The following GPR180 variants were observed in gnomAD, a reference collection of about 807,000 sequenced individuals.
GPR180 encodes integral membrane protein GPR180.
A neutral mutation model predicts 52.6 loss-of-function variants in GPR180; 53 were observed. That is an observed-to-expected ratio of 1.01 (90% CI 0.81 to 1.27). GPR180 has a LOEUF of 1.27. GPR180 is among the 50% of genes most tolerant of loss of function. GPR180 has a pLI of 0.00. For synonymous variants in GPR180, 200 were observed against 193.1 expected (o/e 1.04, Z -0.30); for missense variants, 533 against 527.0 (o/e 1.01, Z -0.11).
rs542122230 is a variant in GPR180, at chr13:94,634,301, A to G, written c.*7130A>G. 3.9e-5 allele frequency: 6 copies of G among 152,274 alleles called. No individual in the cohort carries two copies. In the South Asian group the frequency reaches 1.2e-3, roughly 32 times the overall value. 9.4% of individuals were successfully genotyped at this position (152,274 alleles called of 1,614,324 possible). ...CATGACATTGACTCCTCAGCCAAGC[A>G]TATTATCAACTGTCGGAAACTAGGT... On this transcript the variant is annotated 3_prime_UTR_variant, in exon 9 of 9. Coordinates refer to ENST00000376958, the MANE Select transcript of GPR180 (RefSeq NM_180989.6).
intron 2 of GPR180, among the ~76,000 whole-genome samples, chr13:94,606,437 A>G (rs1170556688): frequency 6.6e-6 from 1 of 152,222 alleles, no homozygotes; most frequent in African/African-American, 2.4e-5. Flanking sequence ...TGTCCTGTGC[A>G]TTAGGTTGCT....
rs2138566970 is a variant in GPR180, at chr13:94,621,108, T to C, written c.767T>C (p.Leu256Ser). Reference protein sequence around the residue: ...FFDIASQIQMLYLLLSLCMGW... With the variant: ...FFDIASQIQMSYLLLSLCMGW... ...GACATCGCTTCCCAAATTCAGATGT[T>C]ATACTTACTTTTGAGTCTATGCATG... The change falls in exon 6 of 9, where the codon TTA becomes TCA. Residue 256 changes from leucine to serine, a missense_variant. Transcript: ENST00000376958. The C allele has an allele frequency of 6.2e-7, 1 of 1,610,166 alleles. No individual in the cohort carries two copies. The highest frequency in any genetic ancestry group is 1.7e-4 in the Middle Eastern group (1 of 6,034).
rs1889874406 is a variant in GPR180, at chr13:94,623,167, A to G, written c.953A>G (p.His318Arg). The G allele has an allele frequency of 6.2e-7, 1 of 1,614,054 alleles. No homozygotes were observed. The highest frequency in any genetic ancestry group is 1.3e-5 in the African/African-American group (1 of 75,028). ...EDISHHSYHSHHNLAGILLIV... is the reference protein window; with the variant it reads ...EDISHHSYHSRHNLAGILLIV... ...ATCAGTCATCATAGCTACCATTCAC[A>G]CCACAACTTAGCAGGGATCCTCCTA... Residue 318 changes from histidine to arginine, a missense_variant, in exon 7 of 9, where the codon CAC becomes CGC. Transcript: ENST00000376958.
chr13:94,605,956 C>T (rs767112288), intron 2 of GPR180, among the ~76,000 whole-genome samples: 1 of 152,178 alleles, frequency 6.6e-6, no homozygotes, highest in Non-Finnish European at 1.5e-5. Flanking sequence ...TGTTTCACAA[C>T]ATGTCATTTG....
chr13:94,618,420 A>ATTTTTTTTTGT (rs1889806407), intron 3 of GPR180, among the ~76,000 whole-genome samples: 1 of 87,156 alleles, frequency 1.1e-5, no homozygotes, highest in African/African-American at 6.3e-5. Context: ...TCAGCACAGG[A>ATTTTTTTTTGT]TTTTTTTTTT....
chr13:94,619,217 A>G lies in GPR180; in HGVS notation c.573A>G (p.Ser191=), dbSNP rs1889820302. Residue 191 remains serine (S), a synonymous_variant, in exon 4 of 9, where the codon TCA becomes TCG. Transcript: ENST00000376958. Reference sequence around the variant, plus strand: ...TGATTGCTTGCATTTATGCTCAATCATTGTGGCAGGCTATTAAGAAAGGCG... The same window carrying G: ...TGATTGCTTGCATTTATGCTCAATCGTTGTGGCAGGCTATTAAGAAAGGCG... ...YFVIACIYAQ[S]LWQAIKKGGP... is the part of the protein sequence containing the mutation. 1.2e-6 allele frequency: 2 copies of G among 1,614,112 alleles called. No homozygotes were observed. The highest frequency in any genetic ancestry group is 1.7e-5 in the Admixed American group (1 of 60,018).
chr13:94,612,061 C>T, intron 2 of GPR180, 129 bp from the exon 3 acceptor site: 1 of 674,656 alleles, frequency 1.5e-6, no homozygotes, highest in Non-Finnish European at 2.6e-6. Flanking sequence ...CCAAATACTA[C>T]ACAAGGTCTT....
At chr13:94,606,982 G>A (rs780366897) in intron 2 of GPR180, among the ~76,000 whole-genome samples, 1 of 152,246 alleles carries the variant, frequency 6.6e-6, no homozygotes, top group South Asian at 2.1e-4. Context: ...TGTGTAAAAG[G>A]TCATGTCCTT....
Position 94,623,416 on chromosome 13 carries a change from T to G in GPR180, c.1086+116T>G, listed in dbSNP as rs1030263170. ...TATTAAACTTCTGGGTTGGGCACAG[T>G]GGCTCACTCCTATAATCCCAGTGCT... On this transcript the variant is annotated intron_variant, in intron 7 of 8. Transcript: ENST00000376958. 1.3e-5 allele frequency: 10 copies of G among 764,676 alleles called. No individual in the cohort carries two copies. In the African/African-American group the frequency reaches 1.8e-4, roughly 13 times the overall value. The allele number at this position is 764,676 out of a possible 1,614,324, so 47.4% of individuals were successfully genotyped here. A position where few individuals can be genotyped will look rare whatever the true frequency, so the allele number is the denominator to read the frequency against.
rs1202246052 is a variant in GPR180, at chr13:94,634,394, A to C, written c.*7223A>C. 1 of 152,026 alleles carries C rather than the reference A, an allele frequency of 6.6e-6. No individual in the cohort carries two copies. Among genetic ancestry groups the C allele is most frequent in the African/African-American group, 2.4e-5 (1 of 41,442 alleles). 9.4% of individuals were successfully genotyped at this position (152,026 alleles called of 1,614,324 possible). On this transcript the variant is annotated 3_prime_UTR_variant, in exon 9 of 9. Coordinates refer to ENST00000376958, the MANE Select transcript of GPR180 (RefSeq NM_180989.6). ...GATTTTTTAAAACTTGTATACATAT[A>C]TAGTACATATTATATATACTTATAT... is the stretch of plus-strand genomic sequence containing the variant.
intron 1 of GPR180, among the ~76,000 whole-genome samples, chr13:94,603,382 A>G (rs1183279049): frequency 6.6e-6 from 1 of 152,210 alleles, no homozygotes; most frequent in Non-Finnish European, 1.5e-5. Flanking sequence ...ATAGTTCCTG[A>G]TGATCATCTG....
chr13:94,602,198 C>T, intron 1 of GPR180, 126 bp downstream of exon 1: 1 of 882,096 alleles, frequency 1.1e-6, no homozygotes, highest in Non-Finnish European at 1.5e-6. Context: ...CCAGCCTCAC[C>T]TGGACCTCCA....
chr13:94,619,350 A>G lies in GPR180; in HGVS notation c.686+20A>G. 6.2e-7 allele frequency: 1 copy of G among 1,612,062 alleles called. No homozygotes were observed. The highest frequency in any genetic ancestry group is 8.5e-7 in the Non-Finnish European group (1 of 1,178,630). On this transcript the variant is annotated intron_variant, in intron 4 of 8. Transcript: ENST00000376958. Reference sequence around the variant, plus strand: ...CTCCAGGTAACTCAAAACCACTAAAACTGTGTTCATCATTACATCTAATTA... The same window carrying G: ...CTCCAGGTAACTCAAAACCACTAAAGCTGTGTTCATCATTACATCTAATTA...
At chr13:94,608,568 A>G (rs1889662896) in intron 2 of GPR180, among the ~76,000 whole-genome samples, 1 of 152,206 alleles carries the variant, frequency 6.6e-6, no homozygotes, top group South Asian at 2.1e-4. Context: ...CAATAACAAA[A>G]TCCAAATCTT....
chr13:94,610,868 G>C (rs1222347131), intron 2 of GPR180, among the ~76,000 whole-genome samples: 1 of 152,150 alleles, frequency 6.6e-6, no homozygotes, highest in Admixed American at 6.5e-5. Flanking sequence ...CACATTTTCA[G>C]ATGCCCTGGA....
intron 2 of GPR180, among the ~76,000 whole-genome samples, chr13:94,607,206 G>C (rs1248507711): frequency 6.6e-6 from 1 of 150,752 alleles, no homozygotes; most frequent in African/African-American, 2.5e-5. Flanking sequence ...AATATCTCTT[G>C]AATTCATCTT....
intron 3 of GPR180, among the ~76,000 whole-genome samples, chr13:94,615,535 T>C (rs1163690135): frequency 6.6e-6 from 1 of 152,240 alleles, no homozygotes; most frequent in African/African-American, 2.4e-5. Flanking sequence ...AGAGTTGGTC[T>C]AGATTAAACA....
Position 94,627,454 on chromosome 13 carries a change from T to A in GPR180, c.*283T>A, listed in dbSNP as rs998321079. The A allele has an allele frequency of 2.7e-5, 10 of 364,518 alleles. No individual in the cohort carries two copies. The highest frequency in any genetic ancestry group is 4.9e-5 in the Non-Finnish European group (10 of 204,354). 22.6% of individuals were successfully genotyped at this position (364,518 alleles called of 1,614,324 possible). On this transcript the variant is annotated 3_prime_UTR_variant, in exon 9 of 9. Transcript: ENST00000376958. ...TAAATGTGAAAAATAACTATGATATTTTGGTAAAATATTCACCACTTATAA... is the reference window on the plus strand; with the variant it reads ...TAAATGTGAAAAATAACTATGATATATTGGTAAAATATTCACCACTTATAA...
At position 94,631,945 on chromosome 13, in the gene GPR180, A is replaced by G. The variant is rs1890004575; in HGVS notation, c.*4774A>G. 1 of 152,142 alleles carries G rather than the reference A, an allele frequency of 6.6e-6. No homozygotes were observed. Among genetic ancestry groups the G allele is most frequent in the Non-Finnish European group, 1.5e-5 (1 of 68,036 alleles). The allele number at this position is 152,142 out of a possible 1,614,324, so 9.4% of individuals were successfully genotyped here. A position where few individuals can be genotyped will look rare whatever the true frequency, so the allele number is the denominator to read the frequency against. ...AACCAGAAGCACCAATTTAAAAGAG[A>G]AGTTTCTAGTCAGCTAGAGGAGGGA... On this transcript the variant is annotated 3_prime_UTR_variant, in exon 9 of 9. Coordinates refer to ENST00000376958, the MANE Select transcript of GPR180 (RefSeq NM_180989.6).
Sources: gnomAD v4.1 joint callset for allele counts (sites outside exome capture counted in the v4.1 genomes callset) on GRCh38, gnomAD v4.1.1 for gene constraint, MANE v1.5 for transcripts, NCBI Gene and HGNC (gene_info 2026-07-23, HGNC 2026-07-21) for gene names.